NRXN3: variants seen among roughly 807,000 people sequenced by gnomAD.
The protein encoded by NRXN3 is neurexin 3, also known as neurexin III.
In NRXN3, 32 loss-of-function variants were observed where a neutral mutation model predicts 137.6. The ratio of observed to expected loss-of-function variants is 0.23; its 90% CI spans 0.18 to 0.31. NRXN3 has a LOEUF of 0.31. NRXN3 is among the 10% of genes least tolerant of loss of function. The pLI is 1.00. For synonymous variants in NRXN3, 798 were observed against 784.5 expected (o/e 1.02, Z -0.29); for missense variants, 1,574 against 2,062.5 (o/e 0.76, Z 4.59).
At chr14:79,088,603 C>T (rs1458075770) in intron 15 of NRXN3, among the ~76,000 whole-genome samples, 1 of 152,048 alleles carries the variant, frequency 6.6e-6, no homozygotes, top group East Asian at 1.9e-4. Context: ...TTAACAGTTC[C>T]TCAGATGTAG....
chr14:79,097,005 C>A (rs1257191562), intron 15 of NRXN3, among the ~76,000 whole-genome samples: 1 of 144,990 alleles, frequency 6.9e-6, no homozygotes, highest in Non-Finnish European at 1.5e-5. Flanking sequence ...GGAATCCTGG[C>A]CAAAATGATT....
intron 10 of NRXN3, among the ~76,000 whole-genome samples, chr14:78,931,019 TAGTAAA>T (rs1361351655): frequency 6.6e-6 from 1 of 152,150 alleles, no homozygotes; most frequent in Non-Finnish European, 1.5e-5. Context: ...ATATTTAATA[TAGTAAA>T]AGGAAAATGT....
chr14:78,220,725 G>T (rs556527264), intron 1 of NRXN3, among the ~76,000 whole-genome samples: 2 of 152,136 alleles, frequency 1.3e-5, no homozygotes, highest in Non-Finnish European at 1.5e-5. Context: ...TCCCAGGGAG[G>T]TGGCAGGGCT....
At chr14:78,376,486 G>A (rs996820855) in intron 4 of NRXN3, among the ~76,000 whole-genome samples, 1 of 152,112 alleles carries the variant, frequency 6.6e-6, no homozygotes, top group Non-Finnish European at 1.5e-5. Context: ...CCATCCTTAA[G>A]TACAATTAAA....
At chr14:79,171,376 G>A (rs746592681) in intron 15 of NRXN3, among the ~76,000 whole-genome samples, 5 of 152,116 alleles carry the variant, frequency 3.3e-5, no homozygotes, top group African/African-American at 7.2e-5. Context: ...ATAAGAGTAC[G>A]TGTATACAGT....
chr14:79,604,222 CTTTGTTTTTTGTTTCTTTG>C (rs2097966937), intron 16 of NRXN3, among the ~76,000 whole-genome samples: 1 of 148,372 alleles, frequency 6.7e-6, no homozygotes, highest in Non-Finnish European at 1.5e-5. Context: ...TGGGGTTTTT[CTTTGTTTTTTGTTTCTTTG>C]TTTGTTTGTT....
At chr14:79,385,522 G>C (rs947305516) in intron 15 of NRXN3, among the ~76,000 whole-genome samples, 1 of 152,090 alleles carries the variant, frequency 6.6e-6, no homozygotes, top group Admixed American at 6.6e-5. Context: ...GGCTAATGCA[G>C]TTTGCATATT....
chr14:78,680,441 A>T (rs2098062915), intron 6 of NRXN3, among the ~76,000 whole-genome samples: 1 of 152,192 alleles, frequency 6.6e-6, no homozygotes, highest in Non-Finnish European at 1.5e-5. Flanking sequence ...TGTAAACCTT[A>T]AAAAATAAGA....
At chr14:79,315,497 C>T (rs2153233451) in intron 15 of NRXN3, among the ~76,000 whole-genome samples, 1 of 152,176 alleles carries the variant, frequency 6.6e-6, no homozygotes, top group Non-Finnish European at 1.5e-5. Context: ...AAAGGGAAAC[C>T]ACCACCCCTT....
intron 19 of NRXN3, among the ~76,000 whole-genome samples, chr14:79,774,752 C>A (rs61992372): frequency 0.011 from 1,625 of 152,250 alleles, 18 homozygotes; most frequent in Non-Finnish European, 0.018. Flanking sequence ...TATTTATCAA[C>A]TGCATTCAGG....
chr14:79,203,941 G>C (rs1162234580), intron 15 of NRXN3, among the ~76,000 whole-genome samples: 1 of 152,096 alleles, frequency 6.6e-6, no homozygotes, highest in African/African-American at 2.4e-5. Context: ...TGGAGCATTT[G>C]ATGATTTCCC....
At chr14:79,275,741 G>A (rs561981113) in intron 15 of NRXN3, among the ~76,000 whole-genome samples, 10 of 150,974 alleles carry the variant, frequency 6.6e-5, no homozygotes, top group South Asian at 2.1e-4. Context: ...TGGGGGGGGG[G>A]ACATTTAAAA....
intron 14 of NRXN3, among the ~76,000 whole-genome samples, chr14:78,972,238 A>G (rs1466907935): frequency 6.6e-6 from 1 of 152,236 alleles, no homozygotes; most frequent in Non-Finnish European, 1.5e-5. Flanking sequence ...GATGATAAAC[A>G]TCTGAAAGAA....
chr14:78,581,441 C>G (rs1325588672), intron 4 of NRXN3, among the ~76,000 whole-genome samples: 3 of 152,112 alleles, frequency 2.0e-5, no homozygotes, highest in Non-Finnish European at 2.9e-5. Context: ...ACATAGCTGA[C>G]CTTTTATAGA....
At chr14:78,334,480 G>A (rs1217622149) in intron 4 of NRXN3, among the ~76,000 whole-genome samples, 5 of 152,166 alleles carry the variant, frequency 3.3e-5, no homozygotes, top group African/African-American at 1.2e-4. Flanking sequence ...CATGGAAGAC[G>A]GGAGGGCTCC....
chr14:79,553,697 C>A (rs1438469152), intron 16 of NRXN3, among the ~76,000 whole-genome samples: 4 of 152,140 alleles, frequency 2.6e-5, no homozygotes, highest in Non-Finnish European at 2.9e-5. Flanking sequence ...TAGAACATAG[C>A]TGGTCACTAA....
At chr14:79,152,374 T>C (rs2059878945) in intron 15 of NRXN3, among the ~76,000 whole-genome samples, 1 of 152,050 alleles carries the variant, frequency 6.6e-6, no homozygotes, top group African/African-American at 2.4e-5. Context: ...AAAGTGGATT[T>C]GTTTTGAATT....
intron 20 of NRXN3, among the ~76,000 whole-genome samples, chr14:79,860,172 A>G (rs972063418): frequency 6.6e-6 from 1 of 152,182 alleles, no homozygotes; most frequent in Non-Finnish European, 1.5e-5. Context: ...GGGTAAACAG[A>G]TATGTTTTTG....
chr14:79,372,022 A>G (rs1170317321), intron 15 of NRXN3, among the ~76,000 whole-genome samples: 1 of 152,158 alleles, frequency 6.6e-6, no homozygotes, highest in South Asian at 2.1e-4. Context: ...TTTGTTGAAC[A>G]ATTTATATGC....
Sources: allele counts gnomAD v4.1 joint callset (sites outside exome capture counted in the v4.1 genomes callset), GRCh38; gene constraint gnomAD v4.1.1; transcripts MANE v1.5; gene names NCBI Gene and HGNC (gene_info 2026-07-23, HGNC 2026-07-21).